C19orf38: variants seen among roughly 807,000 people sequenced by gnomAD.
C19orf38 encodes protein HIDE1.
A neutral mutation model predicts 26.6 loss-of-function variants in C19orf38; 14 were observed. The ratio of observed to expected loss-of-function variants is 0.53; its 90% CI spans 0.35 to 0.82. The LOEUF (loss-of-function observed/expected upper bound fraction) is 0.82, where lower values mean the gene tolerates loss of function less well. Ranked by LOEUF, C19orf38 falls within the 40% of genes least tolerant of loss-of-function variation. The probability of loss-of-function intolerance (pLI) is 0.01; values close to 1 mark genes in which losing one functional copy is unlikely to be tolerated. For synonymous variants in C19orf38, 132 were observed against 128.5 expected (o/e 1.03, Z -0.18); for missense variants, 261 against 299.5 (o/e 0.87, Z 0.95).
intron 6 of C19orf38, among the ~76,000 whole-genome samples, chr19:10,865,227 A>C (rs541709663): frequency 6.6e-6 from 1 of 151,762 alleles, no homozygotes; most frequent in African/African-American, 2.4e-5. Context: ...TCTCACTGCA[A>C]CCTCCACCTC....
At chr19:10,842,429 T>C (rs1823309252) in intron 1 of C19orf38, among the ~76,000 whole-genome samples, 1 of 151,916 alleles carries the variant, frequency 6.6e-6, no homozygotes, top group African/African-American at 2.4e-5. Context: ...CCTGGCTAAT[T>C]TTTTGTATTT....
At chr19:10,862,549 G>T (rs938361698) in intron 5 of C19orf38, among the ~76,000 whole-genome samples, 6 of 152,202 alleles carry the variant, frequency 3.9e-5, no homozygotes, top group African/African-American at 1.4e-4. Context: ...GGTAATGGAG[G>T]CCGGGTGTGG....
chr19:10,857,849 C>A (rs1482014050), intron 3 of C19orf38, among the ~76,000 whole-genome samples: 1 of 150,600 alleles, frequency 6.6e-6, no homozygotes, highest in East Asian at 2.0e-4. Context: ...CCACTGCACT[C>A]CAGCCTGGGC....
chr19:10,853,474 TG>T (rs1337368500), intron 2 of C19orf38, among the ~76,000 whole-genome samples: 1 of 150,782 alleles, frequency 6.6e-6, no homozygotes, highest in Non-Finnish European at 1.5e-5. Flanking sequence ...TTAGTAGAGA[TG>T]GGGTTTCACA....
chr19:10,848,429 C>T lies in C19orf38; in HGVS notation c.-80C>T, dbSNP rs1452287073. ...CAGCCCTGGTTCTCCTTTCCCCGAT[C>T]TGGCCTCACAGGAGGAGTTGGCGGG... On this transcript the variant is annotated 5_prime_UTR_variant, in exon 1 of 7. Coordinates refer to ENST00000397820, the MANE Select transcript of C19orf38 (RefSeq NM_001136482.3). 1 of 1,446,712 alleles carries T rather than the reference C, an allele frequency of 6.9e-7. No homozygotes were observed. Among genetic ancestry groups the T allele is most frequent in the Non-Finnish European group, 9.5e-7 (1 of 1,052,764 alleles). The allele number at this position is 1,446,712 out of a possible 1,614,324, so 89.6% of individuals were successfully genotyped here.
chr19:10,842,355 G>A (rs1054337067), intron 1 of C19orf38: 2 of 575,506 alleles, frequency 3.5e-6, no homozygotes, highest in Non-Finnish European at 3.1e-6. Flanking sequence ...CCGCCTCCCG[G>A]GTTCACACCA....
intron 1 of C19orf38, among the ~76,000 whole-genome samples, chr19:10,840,955 G>T (rs1020070043): frequency 4.0e-5 from 6 of 151,842 alleles, no homozygotes; most frequent in African/African-American, 1.5e-4. Context: ...TTTTTTGTTT[G>T]TTTGTTTGTT....
At chr19:10,840,767 T>C (rs2073472659) in intron 1 of C19orf38, among the ~76,000 whole-genome samples, 1 of 152,238 alleles carries the variant, frequency 6.6e-6, no homozygotes, top group South Asian at 2.1e-4. Context: ...TCTGCCTGCC[T>C]CAGCCTCCCA....
chr19:10,850,966 CAGGT>C (rs1457744901), intron 2 of C19orf38, among the ~76,000 whole-genome samples: 12 of 152,316 alleles, frequency 7.9e-5, no homozygotes, highest in Admixed American at 5.9e-4. Flanking sequence ...ACACAGGTAA[CAGGT>C]AGCCAGTCTG....
intron 1 of C19orf38, among the ~76,000 whole-genome samples, chr19:10,850,053 C>T (rs180747122): frequency 7.2e-5 from 11 of 151,816 alleles, no homozygotes; most frequent in African/African-American, 2.4e-4. Context: ...AGTGAGACTC[C>T]GACTCACAAA....
chr19:10,857,163 C>G (rs556907113), intron 3 of C19orf38, among the ~76,000 whole-genome samples: 1 of 150,920 alleles, frequency 6.6e-6, no homozygotes, highest in East Asian at 2.0e-4. Flanking sequence ...TCTTGAACTC[C>G]TGGGTTCAAG....
intron 6 of C19orf38, among the ~76,000 whole-genome samples, chr19:10,866,480 A>ACAGGCGTGAGCCAC (rs2073753279): frequency 6.7e-6 from 1 of 149,418 alleles, no homozygotes; most frequent in Admixed American, 6.8e-5. Context: ...TGCTGGGATT[A>ACAGGCGTGAGCCAC]CAGGCGTGAG....
In C19orf38 at chr19:10,863,649, C is replaced by T. The variant is rs1411047638; in HGVS notation, c.543+442C>T. Among the ~76,000 whole-genome samples, 4 of 151,834 alleles carry T rather than the reference C, an allele frequency of 2.6e-5. No individual in the cohort carries two copies. In the East Asian group the frequency reaches 5.8e-4, roughly 22 times the overall value. ...AAGAAAAGCATGAAGTTGCTGGGTG[C>T]GGTGACTCACGTCTGTAATCCCAGC... On this transcript the variant is annotated intron_variant, in intron 6 of 6. Transcript: ENST00000397820.
rs1317362482 is a variant in C19orf38 at position 10,842,292 on chromosome 19, ACT to A, written c.-69+5525_-69+5526del. ...TTTTTTTTTTTTGAGACGGAGTCTC[ACT>A]CTGTCACCCAGGCTGGAGTGCAGTG... On this transcript the variant is annotated intron_variant, in intron 1 of 7. Coordinates refer to the C19orf38 transcript ENST00000592854. 2.8e-5 allele frequency: 24 copies of A among 861,226 alleles called. No individual in the cohort carries two copies. In the Middle Eastern group the frequency reaches 1.0e-3, roughly 38 times the overall value. 53.3% of individuals were successfully genotyped at this position (861,226 alleles called of 1,614,324 possible).
upstream of C19orf38, among the ~76,000 whole-genome samples, chr19:10,845,271 C>T (rs574029219): frequency 2.0e-5 from 3 of 152,154 alleles, no homozygotes; most frequent in South Asian, 2.1e-4. Context: ...ACAACTACAC[C>T]GTGTACTTGA....
chr19:10,868,453 T>C (rs1325623327), intron 6 of C19orf38, among the ~76,000 whole-genome samples: 5 of 152,154 alleles, frequency 3.3e-5, no homozygotes, highest in African/African-American at 7.2e-5. Flanking sequence ...AGGTAGACTT[T>C]TGAGGAATGT....
At chr19:10,839,525 A>G (rs1470567575) in intron 1 of C19orf38, among the ~76,000 whole-genome samples, 1 of 152,116 alleles carries the variant, frequency 6.6e-6, no homozygotes, top group Non-Finnish European at 1.5e-5. Context: ...CCCGCCTCTC[A>G]ACTAGCTATG....
At chr19:10,866,855 C>T (rs560224197) in intron 6 of C19orf38, among the ~76,000 whole-genome samples, 3 of 151,072 alleles carry the variant, frequency 2.0e-5, no homozygotes, top group African/African-American at 4.9e-5. Flanking sequence ...TGGCCTGGCT[C>T]GTCTTGAACT....
intron 5 of C19orf38, among the ~76,000 whole-genome samples, chr19:10,861,261 C>T (rs555647079): frequency 3.3e-5 from 5 of 152,230 alleles, no homozygotes; most frequent in East Asian, 1.9e-4. Flanking sequence ...TGTCTATCTC[C>T]GGGACTCCAG....
Sources: allele counts gnomAD v4.1 joint callset (sites outside exome capture counted in the v4.1 genomes callset), GRCh38; gene constraint gnomAD v4.1.1; transcripts MANE v1.5; gene names NCBI Gene and HGNC (gene_info 2026-07-23, HGNC 2026-07-21).